The following RIGI variants were observed in gnomAD, a reference collection of about 807,000 sequenced individuals.
RIGI encodes antiviral innate immune response receptor RIG-I.
chr9:32,475,203 C>T, the RIGI span, among the ~76,000 whole-genome samples: 11 of 152,308 alleles, frequency 7.2e-5, no homozygotes, highest in African/African-American at 2.6e-4. Flanking sequence ...CCGCCCGCCT[C>T]AGCCTCCCAA....
the RIGI span, chr9:32,491,343 G>C: frequency 6.2e-7 from 1 of 1,613,326 alleles, no homozygotes; most frequent in Non-Finnish European, 8.5e-7. Context: ...TGGCATTCTG[G>C]ATCTTCTTGG....
chr9:32,485,662 T>C, the RIGI span: 2 of 381,688 alleles, frequency 5.2e-6, no homozygotes, highest in South Asian at 2.0e-5. Flanking sequence ...TGCCTCAGCC[T>C]CCCAAGTAGC....
chr9:32,496,642 A>T, the RIGI span, among the ~76,000 whole-genome samples: 1 of 152,224 alleles, frequency 6.6e-6, no homozygotes, highest in Non-Finnish European at 1.5e-5. Flanking sequence ...ATGTGAGCCA[A>T]TTCCAAAAAT....
the RIGI span, among the ~76,000 whole-genome samples, chr9:32,472,648 ATAGTC>A: frequency 5.9e-5 from 9 of 152,104 alleles, no homozygotes; most frequent in African/African-American, 2.2e-4. Flanking sequence ...TCTGTTCCTG[ATAGTC>A]TCTTCCTGAC....
the RIGI span, among the ~76,000 whole-genome samples, chr9:32,508,597 C>T: frequency 1.3e-5 from 2 of 152,090 alleles, no homozygotes; most frequent in Non-Finnish European, 2.9e-5. Context: ...CCCAAGTCTT[C>T]GCAACCAGCA....
the RIGI span, among the ~76,000 whole-genome samples, chr9:32,462,816 G>T: frequency 0.64 from 96,741 of 152,038 alleles, 31,292 homozygotes; most frequent in East Asian, 0.89. Flanking sequence ...CGCAATAGGC[G>T]TGAGCCATCA....
the RIGI span, among the ~76,000 whole-genome samples, chr9:32,525,719 C>T: frequency 1.3e-5 from 2 of 152,160 alleles, no homozygotes; most frequent in East Asian, 1.9e-4. Context: ...AGGAAGAGCC[C>T]TTATCTTATT....
At chr9:32,489,316 A>C in the RIGI span, 1 of 1,510,754 alleles carries the variant, frequency 6.6e-7, no homozygotes, top group Admixed American at 1.9e-5. Context: ...AAACAGAAAA[A>C]CTATGTAAGT....
chr9:32,459,539 A>G, the RIGI span: 3 of 1,598,234 alleles, frequency 1.9e-6, no homozygotes, highest in South Asian at 3.4e-5. Context: ...AAGACCGCAA[A>G]TGTAATTTGA....
At chr9:32,503,958 C>T in the RIGI span, among the ~76,000 whole-genome samples, 1 of 151,662 alleles carries the variant, frequency 6.6e-6, no homozygotes. Context: ...AGGAGAATCA[C>T]TTGAACCAGG....
At chr9:32,463,889 C>CTTTTTTTTTTTTTTTTTTT in the RIGI span, among the ~76,000 whole-genome samples, 1 of 135,896 alleles carries the variant, frequency 7.4e-6, no homozygotes, top group African/African-American at 2.7e-5. Flanking sequence ...ATTCTGATTT[C>CTTTTTTTTTTTTTTTTTTT]AAATAAACCT....
the RIGI span, among the ~76,000 whole-genome samples, chr9:32,469,755 A>G: frequency 2.6e-5 from 4 of 152,234 alleles, no homozygotes; most frequent in African/African-American, 7.2e-5. Context: ...ATAATCACCC[A>G]GTTTGTGTAA....
the RIGI span, among the ~76,000 whole-genome samples, chr9:32,476,715 G>T: frequency 6.6e-6 from 1 of 150,656 alleles, no homozygotes; most frequent in African/African-American, 2.5e-5. Context: ...ACGCTGTCAT[G>T]ATCACTGCAG....
At chr9:32,481,520 T>G in the RIGI span, 1 of 1,313,916 alleles carries the variant, frequency 7.6e-7, no homozygotes, top group Non-Finnish European at 1.1e-6. Flanking sequence ...AAAAAAAAAG[T>G]TTTTCACTGT....
At chr9:32,475,925 C>T in the RIGI span, among the ~76,000 whole-genome samples, 2 of 152,084 alleles carry the variant, frequency 1.3e-5, no homozygotes, top group African/African-American at 2.4e-5. Flanking sequence ...ACATTTCTGA[C>T]AGAGGACTTT....
the RIGI span, chr9:32,485,336 G>A: frequency 8.0e-7 from 1 of 1,257,578 alleles, no homozygotes; most frequent in Non-Finnish European, 1.1e-6. Flanking sequence ...TTTTCAGGAA[G>A]GACAGATTGT....
chr9:32,477,279 C>CT, the RIGI span: 1 of 840,242 alleles, frequency 1.2e-6, no homozygotes, highest in African/African-American at 1.7e-5. Context: ...TTGGTACAAC[C>CT]TTTTAAGAGG....
the RIGI span, among the ~76,000 whole-genome samples, chr9:32,507,196 G>A: frequency 2.6e-4 from 40 of 152,230 alleles, no homozygotes; most frequent in African/African-American, 8.4e-4. Flanking sequence ...CGAGAGTTAA[G>A]ACATTTGCCC....
chr9:32,472,582 C>G, the RIGI span, among the ~76,000 whole-genome samples: 1 of 152,212 alleles, frequency 6.6e-6, no homozygotes, highest in Non-Finnish European at 1.5e-5. Context: ...TAAAAGACGG[C>G]TTAGGCCTTC....
Sources: gnomAD v4.1 joint callset for allele counts (sites outside exome capture counted in the v4.1 genomes callset) on GRCh38, gnomAD v4.1.1 for gene constraint, MANE v1.5 for transcripts, NCBI Gene and HGNC (gene_info 2026-07-23, HGNC 2026-07-21) for gene names.